The following PIK3R5 variants were observed in gnomAD, a reference collection of about 807,000 sequenced individuals.
PIK3R5 encodes phosphoinositide 3-kinase regulatory subunit 5.
PIK3R5 carries 32 observed loss-of-function variants against 94.9 expected under a neutral mutation model. The observed-to-expected ratio is 0.34, with a 90% CI of 0.25 to 0.45. The LOEUF is 0.45. Among genes scored for constraint, PIK3R5 ranks in the 20% least tolerant of loss-of-function variants. The pLI is 1.00. For missense variants in PIK3R5, 853 were observed against 1,144.6 expected, an observed-to-expected ratio of 0.75 and a Z score of 3.68; for synonymous variants, 443 against 479.4, an observed-to-expected ratio of 0.92 and a Z score of 0.99.
intron 3 of PIK3R5, among the ~76,000 whole-genome samples, chr17:8,906,036 C>T (rs181532): frequency 0.35 from 53,391 of 151,968 alleles, 9,683 homozygotes; most frequent in Middle Eastern, 0.44. Context: ...ATGTGCAGAA[C>T]GGGCAGGTTT....
chr17:8,954,655 G>T (rs1193738401), intron 1 of PIK3R5, among the ~76,000 whole-genome samples: 2 of 152,184 alleles, frequency 1.3e-5, no homozygotes, highest in Non-Finnish European at 2.9e-5. Context: ...AAGATTCCCT[G>T]CCGGGTGCGG....
At chr17:8,931,865 A>G (rs1275247124) in intron 1 of PIK3R5, among the ~76,000 whole-genome samples, 1 of 152,220 alleles carries the variant, frequency 6.6e-6, no homozygotes, top group Non-Finnish European at 1.5e-5. Flanking sequence ...CTAGGAAGGT[A>G]ATTCTTGACA....
rs1834168455 is a variant in PIK3R5, at chr17:8,880,492, A to T, written c.*147T>A. The T allele has an allele frequency of 2.6e-6, 2 of 755,096 alleles. No individual in the cohort carries two copies. The highest frequency in any genetic ancestry group is 3.9e-6 in the Non-Finnish European group (2 of 506,536). The allele number at this position is 755,096 out of a possible 1,614,324, so 46.8% of individuals were successfully genotyped here. A position where few individuals can be genotyped will look rare whatever the true frequency, so the allele number is the denominator to read the frequency against. ...AACCCTGAGGCCCCAGAAACCCTCT[A>T]CTCCCAGCCCCTGCTCATTGCAGGA... On this transcript the variant is annotated 3_prime_UTR_variant, in exon 19 of 19. Coordinates refer to ENST00000447110, the MANE Select transcript of PIK3R5 (RefSeq NM_001142633.3).
chr17:8,922,338 C>T (rs1030133249), intron 1 of PIK3R5, among the ~76,000 whole-genome samples: 16 of 152,064 alleles, frequency 1.1e-4, no homozygotes, highest in African/African-American at 3.9e-4. Flanking sequence ...TTCAGTTAAT[C>T]CCCAAGACAT....
At chr17:8,927,973 A>G (rs189012506) in intron 1 of PIK3R5, among the ~76,000 whole-genome samples, 3 of 152,284 alleles carry the variant, frequency 2.0e-5, no homozygotes, top group Admixed American at 2.0e-4. Context: ...CCATGACTGC[A>G]TGTGGCTTGA....
chr17:8,884,419 C>A lies in PIK3R5; in HGVS notation c.2205+288G>T, dbSNP rs2089759600. ...AGGCTTCCCTTTCCCCCTTTCAGCC[C>A]CAGCCCTGTAGCCAGGCCCAGCAGA... On this transcript the variant is annotated intron_variant, in intron 15 of 18. Transcript: ENST00000447110. The surrounding 1 kb of genome is among the most constrained non-coding windows in gnomAD (Gnocchi z 5.8). Among the ~76,000 whole-genome samples, 1 of 152,106 alleles carries A rather than the reference C, an allele frequency of 6.6e-6. No homozygotes were observed. Among genetic ancestry groups the A allele is most frequent in the African/African-American group, 2.4e-5 (1 of 41,406 alleles).
At chr17:8,907,199 T>A (rs977252083) in intron 3 of PIK3R5, among the ~76,000 whole-genome samples, 1 of 104,608 alleles carries the variant, frequency 9.6e-6, no homozygotes, top group Non-Finnish European at 2.0e-5. Flanking sequence ...AATTTTTGTA[T>A]TTTTTTTTTT....
At chr17:8,885,834 T>C (rs1314824443) in intron 14 of PIK3R5, among the ~76,000 whole-genome samples, 2 of 33,958 alleles carry the variant, frequency 5.9e-5, no homozygotes, top group African/African-American at 1.2e-4. Context: ...TAACCCCGCC[T>C]CCCCAGGGCC....
chr17:8,892,246 T>A lies in PIK3R5; in HGVS notation c.483-1334A>T, dbSNP rs1025572066. On this transcript the variant is annotated intron_variant, in intron 6 of 18. Transcript: ENST00000447110. The surrounding 1 kb of genome is among the most constrained non-coding windows in gnomAD (Gnocchi z 4.3). The stretch of plus-strand genomic sequence containing the variant: ...GGACTAGTCTCTGTCAAAGTCCCCA[T>A]CATTTGGGAAGAAACTCACTTTGAT... Among the ~76,000 whole-genome samples the A allele has an allele frequency of 2.0e-5, 3 of 152,292 alleles. No individual in the cohort carries two copies. The highest frequency in any genetic ancestry group is 4.4e-5 in the Non-Finnish European group (3 of 68,026).
intron 14 of PIK3R5, among the ~76,000 whole-genome samples, 170 bp downstream of exon 14, chr17:8,886,059 G>A (rs528680748): frequency 4.7e-5 from 7 of 147,610 alleles, no homozygotes; most frequent in African/African-American, 1.5e-4. Flanking sequence ...GGGTCACCCA[G>A]CCACCCCATG....
Position 8,955,975 on chromosome 17 carries a change from T to C in PIK3R5, c.-14+9621A>G, listed in dbSNP as rs2091459960. Among the ~76,000 whole-genome samples the C allele has an allele frequency of 6.6e-6, 1 of 152,066 alleles. No individual in the cohort carries two copies. The highest frequency in any genetic ancestry group is 1.5e-5 in the Non-Finnish European group (1 of 68,002). On this transcript the variant is annotated intron_variant, in intron 1 of 18. Coordinates refer to ENST00000447110, the MANE Select transcript of PIK3R5 (RefSeq NM_001142633.3). The surrounding 1 kb of genome is among the most constrained non-coding windows in gnomAD (Gnocchi z 4.4). ...TTTGAGAACAGCCTGGGCAACATAGTGAGACCCTGTCTCTACAAAAAACAC... is the reference window on the plus strand; with the variant it reads ...TTTGAGAACAGCCTGGGCAACATAGCGAGACCCTGTCTCTACAAAAAACAC...
chr17:8,963,612 A>G (rs1193028267), intron 1 of PIK3R5, among the ~76,000 whole-genome samples: 1 of 151,298 alleles, frequency 6.6e-6, no homozygotes, highest in Admixed American at 6.6e-5. Context: ...ATCATAGCTC[A>G]CTGCAGCCTC....
At chr17:8,962,215 G>T (rs1311668535) in intron 1 of PIK3R5, among the ~76,000 whole-genome samples, 1 of 152,156 alleles carries the variant, frequency 6.6e-6, no homozygotes, top group Non-Finnish European at 1.5e-5. Flanking sequence ...TGACTGTGAA[G>T]ATTAAAGGAC....
At chr17:8,897,517 C>T (rs1368442902) in intron 5 of PIK3R5, among the ~76,000 whole-genome samples, 2 of 152,216 alleles carry the variant, frequency 1.3e-5, no homozygotes, top group African/African-American at 2.4e-5. Context: ...CCTTTCATAA[C>T]ACCCTTTCAC....
At chr17:8,891,320 CA>C in intron 6 of PIK3R5, among the ~76,000 whole-genome samples, 1 of 152,148 alleles carries the variant, frequency 6.6e-6, no homozygotes, top group East Asian at 1.9e-4. Context: ...AGCTGGACAG[CA>C]ACGTGGTGCT....
chr17:8,962,820 G>A (rs28414988), intron 1 of PIK3R5, among the ~76,000 whole-genome samples: 15 of 152,040 alleles, frequency 9.9e-5, no homozygotes, highest in African/African-American at 3.6e-4. Context: ...TGTTTGCTAC[G>A]GGAGGGTATC....
chr17:8,920,392 C>T (rs1296760442), intron 1 of PIK3R5, among the ~76,000 whole-genome samples: 1 of 152,188 alleles, frequency 6.6e-6, no homozygotes, highest in African/African-American at 2.4e-5. Flanking sequence ...ACAACATTCC[C>T]ACTCTACAGA....
At chr17:8,901,511 C>T (rs1361293833) in intron 5 of PIK3R5, among the ~76,000 whole-genome samples, 1 of 152,156 alleles carries the variant, frequency 6.6e-6, no homozygotes, top group Non-Finnish European at 1.5e-5. Context: ...GTTATGAACA[C>T]TTCCAAAGAA....
intron 5 of PIK3R5, among the ~76,000 whole-genome samples, chr17:8,895,855 G>T (rs1567641475): frequency 2.0e-5 from 3 of 152,060 alleles, no homozygotes; most frequent in Non-Finnish European, 4.4e-5. Flanking sequence ...TTGTTTGGCT[G>T]GTGCTGAATA....
Sources: allele counts gnomAD v4.1 joint callset (sites outside exome capture counted in the v4.1 genomes callset), GRCh38; gene constraint gnomAD v4.1.1; non-coding constraint Gnocchi (gnomAD v3.1); transcripts MANE v1.5; gene names NCBI Gene and HGNC (gene_info 2026-07-23, HGNC 2026-07-21).